The following UBASH3B variants were observed in gnomAD, a reference collection of about 807,000 sequenced individuals.
The protein encoded by UBASH3B is ubiquitin-associated and SH3 domain-containing protein B.
A neutral mutation model predicts 83.4 loss-of-function variants in UBASH3B; 37 were observed. The ratio of observed to expected loss-of-function variants is 0.44; its 90% confidence interval spans 0.34 to 0.58. The LOEUF (loss-of-function observed/expected upper bound fraction) is 0.58. Among genes scored for constraint, UBASH3B ranks in the 20% least tolerant of loss-of-function variants. The pLI, the probability that UBASH3B is intolerant of heterozygous loss-of-function variation, is 0.01. For missense variants in UBASH3B, 657 were observed against 827.2 expected, an observed-to-expected ratio of 0.79 and a Z score of 2.52; for synonymous variants, 304 against 318.3, an observed-to-expected ratio of 0.96 and a Z score of 0.48.
intron 1 of UBASH3B, among the ~76,000 whole-genome samples, chr11:122,683,611 A>T (rs76019187): frequency 0.69 from 102,145 of 148,434 alleles, 38,561 homozygotes; most frequent in Admixed American, 0.83. Flanking sequence ...TCTCAAAAAA[A>T]AAAAAAAATA....
chr11:122,682,956 A>C (rs1863760902), intron 1 of UBASH3B, among the ~76,000 whole-genome samples: 2 of 152,220 alleles, frequency 1.3e-5, no homozygotes, highest in South Asian at 4.1e-4. Context: ...TTTTGAATTA[A>C]ATTTTAGAGT....
chr11:122,776,946 G>T, intron 2 of UBASH3B, 78 bp from the exon 3 acceptor site: 1 of 1,374,558 alleles, frequency 7.3e-7, no homozygotes, highest in Non-Finnish European at 9.9e-7. Flanking sequence ...CACATGGAGG[G>T]TGGATCTGTC....
chr11:122,776,500 G>C (rs1860737540), intron 2 of UBASH3B, among the ~76,000 whole-genome samples: 1 of 152,238 alleles, frequency 6.6e-6, no homozygotes, highest in Admixed American at 6.5e-5. Flanking sequence ...CCCAGATAGA[G>C]CCTCTCTCAT....
chr11:122,716,273 T>C (rs1860523792), intron 1 of UBASH3B, among the ~76,000 whole-genome samples: 1 of 152,208 alleles, frequency 6.6e-6, no homozygotes, highest in Non-Finnish European at 1.5e-5. Flanking sequence ...CCTGAGCTCA[T>C]GTGGTCCTTC....
rs1861461483 is a variant in UBASH3B, at chr11:122,812,233, C to T, written c.*2347C>T. 1 of 149,036 alleles carries T rather than the reference C, an allele frequency of 6.7e-6. No individual in the cohort carries two copies. The highest frequency in any genetic ancestry group is 1.5e-5 in the Non-Finnish European group (1 of 66,512). 9.2% of individuals were successfully genotyped at this position (149,036 alleles called of 1,614,324 possible). ...AAACAAGAAAGATTGTATTTCTCTG[C>T]TTTCATTTCAATTTCATTATTTCAA... On this transcript the variant is annotated 3_prime_UTR_variant, in exon 14 of 14. Transcript: ENST00000284273.
intron 1 of UBASH3B, among the ~76,000 whole-genome samples, chr11:122,662,233 T>A (rs1181320875): frequency 6.6e-6 from 1 of 151,790 alleles, no homozygotes; most frequent in Non-Finnish European, 1.5e-5. Context: ...TTAAAAAAAC[T>A]TTTTTGAGTT....
At chr11:122,792,984 A>C (rs1364832034) in intron 6 of UBASH3B, among the ~76,000 whole-genome samples, 1 of 152,214 alleles carries the variant, frequency 6.6e-6, no homozygotes, top group Non-Finnish European at 1.5e-5. Context: ...TGAGTCTATC[A>C]CTTCTAGTGA....
intron 1 of UBASH3B, among the ~76,000 whole-genome samples, chr11:122,684,849 T>C (rs1429808843): frequency 6.6e-6 from 1 of 152,176 alleles, no homozygotes; most frequent in Non-Finnish European, 1.5e-5. Context: ...CCACCCGCCT[T>C]GGCCTCCCAA....
intron 1 of UBASH3B, among the ~76,000 whole-genome samples, chr11:122,753,834 G>T (rs1291114728): frequency 3.3e-5 from 5 of 152,100 alleles, no homozygotes; most frequent in Non-Finnish European, 7.4e-5. Flanking sequence ...GCATAATTTT[G>T]AAGGATTAAC....
At position 122,797,030 on chromosome 11, in the gene UBASH3B, G is replaced by C; in HGVS notation, c.1354G>C (p.Val452Leu). Residue 452 changes from valine to leucine, a missense_variant, in exon 9 of 14, where the codon GTG becomes CTG. Physicochemically the swap from Val to Leu is conservative, Grantham distance 32. Coordinates refer to ENST00000284273, the MANE Select transcript of UBASH3B (RefSeq NM_032873.5). The part of the protein sequence containing the change: ...TVFGCMQARL[V>L]GEALLESNTI... ...GTTTGGATGCATGCAAGCAAGACTAGTGGGTAAGTATCCTGGAGTGACTGC... is the reference window on the plus strand; with the variant it reads ...GTTTGGATGCATGCAAGCAAGACTACTGGGTAAGTATCCTGGAGTGACTGC... 1 of 1,608,368 alleles carries C rather than the reference G, an allele frequency of 6.2e-7. No homozygotes were observed.
At chr11:122,701,960 C>T (rs1864044456) in intron 1 of UBASH3B, among the ~76,000 whole-genome samples, 1 of 152,154 alleles carries the variant, frequency 6.6e-6, no homozygotes, top group Admixed American at 6.6e-5. Flanking sequence ...CTCACGTGAT[C>T]CTCCTGCCTC....
In UBASH3B at chr11:122,655,978, A is replaced by T; in HGVS notation, c.-72A>T. 5.4e-6 allele frequency: 5 copies of T among 933,288 alleles called. No individual in the cohort carries two copies. Among genetic ancestry groups the T allele is most frequent in the Non-Finnish European group, 6.9e-6 (5 of 721,904 alleles). 57.8% of individuals were successfully genotyped at this position (933,288 alleles called of 1,614,324 possible). Reference sequence around the variant, plus strand: ...GTCCCCGAGCCCCCTCCCCTGGCCCAGCCCGACTCCCTCCTCCTTCCCGAA... The same window carrying T: ...GTCCCCGAGCCCCCTCCCCTGGCCCTGCCCGACTCCCTCCTCCTTCCCGAA... On this transcript the variant is annotated 5_prime_UTR_variant, in exon 1 of 14. Coordinates refer to ENST00000284273, the MANE Select transcript of UBASH3B (RefSeq NM_032873.5).
intron 5 of UBASH3B, among the ~76,000 whole-genome samples, chr11:122,788,020 T>C (rs552028228): frequency 6.6e-6 from 1 of 152,326 alleles, no homozygotes; most frequent in Admixed American, 6.5e-5. Flanking sequence ...AGTACCTTCA[T>C]GCCTATACCT....
chr11:122,791,898 T>C lies in UBASH3B; in HGVS notation c.980+2590T>C, dbSNP rs1448325439. On this transcript the variant is annotated intron_variant, in intron 6 of 13. Coordinates refer to ENST00000284273, the MANE Select transcript of UBASH3B (RefSeq NM_032873.5). ...GTTCTGAGTTATGAACCAAGACAAG[T>C]TGATGAAGCTGGGTGAGCTGCCTGG... Among the ~76,000 whole-genome samples the C allele has an allele frequency of 5.9e-5, 9 of 152,324 alleles. No individual in the cohort carries two copies. The East Asian group carries it at 1.2e-3, about 20-fold the overall frequency.
chr11:122,693,871 G>C (rs1224874241), intron 1 of UBASH3B, among the ~76,000 whole-genome samples: 1 of 151,802 alleles, frequency 6.6e-6, no homozygotes, highest in Non-Finnish European at 1.5e-5. Flanking sequence ...ACTCTGTCTC[G>C]AAAAAAATAA....
At chr11:122,791,196 AG>A (rs1283165657) in intron 6 of UBASH3B, among the ~76,000 whole-genome samples, 3 of 152,224 alleles carry the variant, frequency 2.0e-5, no homozygotes, top group African/African-American at 7.2e-5. Flanking sequence ...CCCTGCTCAA[AG>A]TAGGTAAATA....
chr11:122,736,326 C>T (rs1159744307), intron 1 of UBASH3B, among the ~76,000 whole-genome samples: 1 of 152,028 alleles, frequency 6.6e-6, no homozygotes, highest in Non-Finnish European at 1.5e-5. Flanking sequence ...GACACAACCT[C>T]ATTCTATATT....
intron 3 of UBASH3B, 185 bp from the exon 4 acceptor site, chr11:122,779,312 T>C: frequency 1.5e-6 from 1 of 647,814 alleles, no homozygotes; most frequent in Non-Finnish European, 2.7e-6. Context: ...AATCCACCAG[T>C]TGGGTAATCT....
rs1367563011 is a variant in UBASH3B, at chr11:122,812,598, A to C, written c.*2712A>C. 6.6e-6 allele frequency: 1 copy of C among 152,250 alleles called. No homozygotes were observed. Among genetic ancestry groups the C allele is most frequent in the Non-Finnish European group, 1.5e-5 (1 of 68,042 alleles). 9.4% of individuals were successfully genotyped at this position (152,250 alleles called of 1,614,324 possible). A position where few individuals can be genotyped will look rare whatever the true frequency, so the allele number is the denominator to read the frequency against. ...TTCTTGTACAGAGGAATTTTGTTTT[A>C]ATGTAGAAAGTTATTTGAAATAAAC... On this transcript the variant is annotated 3_prime_UTR_variant, in exon 14 of 14. Coordinates refer to ENST00000284273, the MANE Select transcript of UBASH3B (RefSeq NM_032873.5).
Sources: gnomAD v4.1 joint callset for allele counts (sites outside exome capture counted in the v4.1 genomes callset) on GRCh38, gnomAD v4.1.1 for gene constraint, MANE v1.5 for transcripts, NCBI Gene and HGNC (gene_info 2026-07-23, HGNC 2026-07-21) for gene names.